Variants in ESX1 observed in about 807,000 individuals in gnomAD.
ESX1 encodes homeobox protein ESX1.
Under a neutral mutation model 13.2 loss-of-function variants are expected in ESX1, and 2 were observed. The observed-to-expected ratio is 0.15, with a 90% CI of 0.06 to 0.48. ESX1 has a LOEUF of 0.48. Ranked by LOEUF, ESX1 falls within the 20% of genes least tolerant of loss-of-function variation. The pLI is 0.97. For synonymous variants in ESX1, 157 were observed against 163.1 expected (o/e 0.96, Z 0.29); for missense variants, 307 against 379.0 (o/e 0.81, Z 1.58).
rs1417717563 is a variant in ESX1 at position 104,250,650 on chromosome X, T to C, written c.799A>G (p.Ile267Val). The C allele has an allele frequency of 8.3e-7, 1 of 1,207,685 alleles. No homozygotes were observed. The highest frequency in any genetic ancestry group is 1.1e-6 in the Non-Finnish European group (1 of 893,978). Residue 267 changes from isoleucine to valine, a missense_variant, in exon 4 of 4, where the codon ATA (isoleucine) becomes GTA (valine). This residue lies in a region of ESX1 where 108 missense variants were observed against 147.5 expected (regional missense o/e 0.73). Coordinates refer to ENST00000372588, the MANE Select transcript of ESX1 (RefSeq NM_153448.4). ...GGCGCCATGGGTGGCATAGGTGCTA[T>C]GGGTGGCCTGGGTGGCATAGGGACC... Reference protein sequence around the residue: ...PMVPMPPRPPIAPMPPMAPVP... With the variant: ...PMVPMPPRPPVAPMPPMAPVP...
At position 104,250,231 on chromosome X, in the gene ESX1, G is replaced by A. The variant is rs782742430; in HGVS notation, c.1218C>T (p.Phe406=). ...VINSYYACPF[F] Reference sequence around the variant, plus strand: ...AAACTGTTATGAATACCTTACTTTAGAAAAAGGGACATGCATAATAACTGT... The same window carrying A: ...AAACTGTTATGAATACCTTACTTTAAAAAAAGGGACATGCATAATAACTGT... The change falls in exon 4 of 4, where the codon TTC becomes TTT. Residue 406 remains phenylalanine, a synonymous_variant. Transcript: ENST00000372588. 1 of 1,206,775 alleles carries A rather than the reference G, an allele frequency of 8.3e-7. No individual in the cohort carries two copies. The highest frequency in any genetic ancestry group is 1.8e-5 in the South Asian group (1 of 56,539).
In ESX1 at chrX:104,250,676, ATGGGTGGCC is replaced by A. The variant is rs1271322930; in HGVS notation, c.764_772del (p.Arg255_Pro257del). 1.1e-5 allele frequency: 13 copies of A among 1,209,922 alleles called. No individual in the cohort carries two copies. The highest frequency in any genetic ancestry group is 1.5e-5 in the Non-Finnish European group (13 of 895,011). On this transcript the variant is annotated inframe_deletion, in exon 4 of 4. Coordinates refer to ENST00000372588, the MANE Select transcript of ESX1 (RefSeq NM_153448.4). ...GGGTGGCCTGGGTGGCATAGGGACCATGGGTGGCCTGGGTGGCATAGGTGGCACAGGCAG... is the reference window on the plus strand; with the variant it reads ...GGGTGGCCTGGGTGGCATAGGGACCATGGGTGGCATAGGTGGCACAGGCAG...
At chrX:104,254,001 T>C (rs1457080209) in intron 2 of ESX1, among the ~76,000 whole-genome samples, 153 bp downstream of exon 2, 3 of 111,894 alleles carry the variant, frequency 2.7e-5, no homozygotes, top group Non-Finnish European at 3.8e-5. Flanking sequence ...TTTACCCTAG[T>C]CCCGCCCCAG....
chrX:104,252,928 T>C, intron 2 of ESX1, 100 bp from the exon 3 acceptor site: 3 of 753,804 alleles, frequency 4.0e-6, no homozygotes, highest in Non-Finnish European at 4.0e-6. Flanking sequence ...GCCGAAGAGG[T>C]TGCTGAGGTC....
Position 104,254,748 on chromosome X carries a change from G to C in ESX1, c.82+20C>G. 8.4e-7 allele frequency: 1 copy of C among 1,197,496 alleles called. No homozygotes were observed. Among genetic ancestry groups the C allele is most frequent in the Non-Finnish European group, 1.1e-6 (1 of 882,574 alleles). On this transcript the variant is annotated intron_variant, in intron 1 of 3. Coordinates refer to ENST00000372588, the MANE Select transcript of ESX1 (RefSeq NM_153448.4). ...TCTTTTGGAGTTCGCGAAAGCTCCC[G>C]TCCCTGTCCAAGCACTAACCATTCA... is the stretch of plus-strand genomic sequence containing the variant.
chrX:104,250,787 C>T lies in ESX1; in HGVS notation c.662G>A (p.Gly221Glu), dbSNP rs782820640. 1 of 1,211,443 alleles carries T rather than the reference C, an allele frequency of 8.3e-7. No homozygotes were observed. Among genetic ancestry groups the T allele is most frequent in the Non-Finnish European group, 1.1e-6 (1 of 895,363 alleles). ...CAGAGCAGGAGCAGCATAATAGGCC[C>T]CACCCAAGAACATGTCCAAAGGGTG... ...LAHPLDMFLG[G>E]AYYAAPALDP... The change falls in exon 4 of 4, where the codon GGG becomes GAG. Residue 221 changes from glycine to glutamate, a missense_variant. Gly to Glu is a moderately conservative substitution (Grantham distance 98). Around this residue, in one of 3 missense-constraint regions of ESX1, gnomAD observed 108 missense variants for 147.5 expected, o/e 0.73. Transcript: ENST00000372588.
At chrX:104,251,657 ACCTTT>A (rs1438716234) in intron 3 of ESX1, among the ~76,000 whole-genome samples, 1 of 111,804 alleles carries the variant, frequency 8.9e-6, no homozygotes, top group Non-Finnish European at 1.9e-5. Flanking sequence ...TCAAACAGTC[ACCTTT>A]TGATCCCATG....
chrX:104,251,426 T>A (rs781886043), intron 3 of ESX1, among the ~76,000 whole-genome samples: 2 of 111,560 alleles, frequency 1.8e-5, no homozygotes, highest in East Asian at 5.6e-4. Context: ...GGATACGTCA[T>A]CCCAACCTGA....
chrX:104,250,601 G>A lies in ESX1; in HGVS notation c.848C>T (p.Ala283Val), dbSNP rs782128803. 5.0e-5 allele frequency: 60 copies of A among 1,196,568 alleles called. No homozygotes were observed. Among genetic ancestry groups the A allele is most frequent in the Non-Finnish European group, 6.3e-5 (56 of 886,751 alleles). Residue 283 changes from alanine (A) to valine (V), a missense_variant, in exon 4 of 4, where the codon GCG becomes GTG. Ala to Val is a moderately conservative substitution (Grantham distance 64). This residue lies in a region of ESX1 where 108 missense variants were observed against 147.5 expected (regional missense o/e 0.73). Transcript: ENST00000372588. ...CATGCGTGGCCCGGGTGGCACAGGCGCCATGCGTGAGCCGGGTGGCACAGG... is the reference window on the plus strand; with the variant it reads ...CATGCGTGGCCCGGGTGGCACAGGCACCATGCGTGAGCCGGGTGGCACAGG... ...MAPVPPGSRM[A>V]PVPPGPRMAP...
At chrX:104,250,998 T>C in intron 3 of ESX1, 102 bp from the exon 4 acceptor site, 1 of 708,408 alleles carries the variant, frequency 1.4e-6, no homozygotes, top group Non-Finnish European at 2.1e-6. Context: ...GACTTTAAAC[T>C]GCAACAGGTG....
intron 2 of ESX1, 22 bp from the exon 3 acceptor site, chrX:104,252,850 T>C: frequency 5.0e-6 from 6 of 1,190,427 alleles, no homozygotes. Flanking sequence ...AAATTACAAA[T>C]ATTCAGTATT....
Position 104,250,540 on chromosome X carries a change from C to A in ESX1, c.909G>T (p.Val303=). 1 of 1,131,602 alleles carries A rather than the reference C, an allele frequency of 8.8e-7. No individual in the cohort carries two copies. Among genetic ancestry groups the A allele is most frequent in the Non-Finnish European group, 1.2e-6 (1 of 857,281 alleles). The allele number at this position is 1,131,602 out of a possible 1,213,427, so 93.3% of individuals were successfully genotyped here. ...CAGGCGCCATGGGCGGCCAGGGTGG[C>A]ACAGGCGCCATGGGCGGCCAGGGTG... is the stretch of plus-strand genomic sequence containing the variant. ...PVPPWPPMAP[V]PPWPPMAPVP... is the part of the protein sequence containing the mutation. Residue 303 remains valine (V), a synonymous_variant, in exon 4 of 4, where the codon GTG becomes GTT. Coordinates refer to ENST00000372588, the MANE Select transcript of ESX1 (RefSeq NM_153448.4).
rs782210806 is a variant in ESX1, at chrX:104,254,165, G to A, written c.495C>T (p.Asp165=). The A allele has an allele frequency of 8.3e-7, 1 of 1,200,019 alleles. No homozygotes were observed. Among genetic ancestry groups the A allele is most frequent in the Non-Finnish European group, 1.1e-6 (1 of 888,922 alleles). ...GGCAAGCCACTTACCGCGCCACAAC[G>A]TCGGGATATTGAGATTCATCGAAAA... ...ENFFDESQYP[D]VVARERLAAR... is the part of the protein sequence containing the mutation. Residue 165 remains aspartate, a synonymous_variant, in exon 2 of 4, where the codon GAC becomes GAT. Coordinates refer to ENST00000372588, the MANE Select transcript of ESX1 (RefSeq NM_153448.4).
chrX:104,254,921 T>C lies in ESX1; in HGVS notation c.-72A>G, dbSNP rs1602543694. On this transcript the variant is annotated 5_prime_UTR_variant, in exon 1 of 4. Coordinates refer to ENST00000372588, the MANE Select transcript of ESX1 (RefSeq NM_153448.4). ...CGTGGTTCCGCGGCGATCCCGGGGT[T>C]GGAACTGGCTCTGGGACCAATGGCT... The C allele has an allele frequency of 3.3e-6, 3 of 922,824 alleles. No homozygotes were observed. The Admixed American group carries it at 6.8e-5, about 21-fold the overall frequency. 76.1% of individuals were successfully genotyped at this position (922,824 alleles called of 1,213,427 possible). A position where few individuals can be genotyped will look rare whatever the true frequency, so the allele number is the denominator to read the frequency against.
chrX:104,254,106 T>C (rs782812510), intron 2 of ESX1, 48 bp downstream of exon 2: 18 of 1,149,547 alleles, frequency 1.6e-5, no homozygotes, highest in Middle Eastern at 2.8e-4. Context: ...TTAGCTCCGG[T>C]GAAAGGGTCC....
rs534193463 is a variant in ESX1, at chrX:104,251,991, ATTC to A, written c.552+789_552+791del. 6.0e-4 allele frequency among the ~76,000 whole-genome samples: 67 copies of A among 112,075 alleles called. No homozygotes were observed. In the Middle Eastern group the frequency reaches 0.014, roughly 23 times the overall value. On this transcript the variant is annotated intron_variant, in intron 3 of 3. Transcript: ENST00000372588. ...TCTTAGGTAAGGGAATTTTATTCAA[ATTC>A]TTCTTTCTTTTTTTGTTTCATTTTT... is the stretch of plus-strand genomic sequence containing the variant.
intron 2 of ESX1, among the ~76,000 whole-genome samples, chrX:104,253,076 G>C (rs1215203811): frequency 9.2e-6 from 1 of 108,924 alleles, no homozygotes; most frequent in Non-Finnish European, 1.9e-5. Context: ...TTGAACCCGG[G>C]AGGTGGAGGC....
At chrX:104,254,115 C>G (rs782747952) in intron 2 of ESX1, 39 bp downstream of exon 2, 5 of 1,164,651 alleles carry the variant, frequency 4.3e-6, no homozygotes, top group Non-Finnish European at 5.7e-6. Flanking sequence ...GTGAAAGGGT[C>G]CCGGGATGAA....
chrX:104,254,552 C>CA lies in ESX1; in HGVS notation c.107dup (p.Met37AspfsTer16), dbSNP rs1194967543. On this transcript the variant is annotated frameshift_variant, in exon 2 of 4. Transcript: ENST00000372588. LOFTEE classifies it high-confidence loss of function. ...CCTCGTCCTCTCCTCCCCTTGCCAT[C>CA]AGCGAGGTCACGGTAAGTTTCTCAT... 17 of 1,207,828 alleles carry CA rather than the reference C, an allele frequency of 1.4e-5. No homozygotes were observed. Among genetic ancestry groups the CA allele is most frequent in the Non-Finnish European group, 1.8e-5 (16 of 893,334 alleles).
Sources: allele counts gnomAD v4.1 joint callset (sites outside exome capture counted in the v4.1 genomes callset), GRCh38; gene constraint gnomAD v4.1.1; regional missense constraint gnomAD v4.1.1; transcripts MANE v1.5; gene names NCBI Gene and HGNC (gene_info 2026-07-23, HGNC 2026-07-21).